DRAM1: variants seen among roughly 807,000 people sequenced by gnomAD.
The protein encoded by DRAM1 is DNA damage regulated autophagy modulator 1.
In DRAM1, 25 loss-of-function variants were observed where a neutral mutation model predicts 28.5. That is an observed-to-expected ratio of 0.88 (90% CI 0.64 to 1.23). The LOEUF is 1.23. DRAM1 is among the 50% of genes most tolerant of loss of function. The probability of loss-of-function intolerance (pLI) is 0.00; values close to 1 mark genes in which losing one functional copy is unlikely to be tolerated. For missense variants in DRAM1, 249 were observed against 299.2 expected (o/e 0.83, Z 1.24); for synonymous variants, 113 against 114.2 (o/e 0.99, Z 0.07).
chr12:101,919,127 A>G (rs1437939663), intron 5 of DRAM1, among the ~76,000 whole-genome samples: 1 of 151,830 alleles, frequency 6.6e-6, no homozygotes, highest in African/African-American at 2.4e-5. Context: ...GCTGGTCTCA[A>G]ACTCCTGGGC....
chr12:101,919,684 T>C (rs1874400098), intron 5 of DRAM1, among the ~76,000 whole-genome samples: 1 of 152,232 alleles, frequency 6.6e-6, no homozygotes, highest in Admixed American at 6.5e-5. Flanking sequence ...TCTAGATGTG[T>C]ACACACTTTC....
intron 5 of DRAM1, among the ~76,000 whole-genome samples, chr12:101,919,848 A>G (rs995435037): frequency 2.6e-4 from 39 of 152,294 alleles, no homozygotes; most frequent in African/African-American, 9.1e-4. Flanking sequence ...TCCTTAGTCT[A>G]CCTTTTGAAG....
At chr12:101,908,671 A>T (rs1594307828) in intron 4 of DRAM1, among the ~76,000 whole-genome samples, 1 of 119,726 alleles carries the variant, frequency 8.4e-6, no homozygotes, top group South Asian at 2.3e-4. Flanking sequence ...GGAAGGGTGG[A>T]GGAGGAGGAG....
chr12:101,890,816 T>A lies in DRAM1; in HGVS notation c.132-7047T>A, dbSNP rs1485388195. ...CCCAGGCTGGAGTGCAATGGCGTGA[T>A]CTCAGCTCACTGCAACCTCCACTTC... On this transcript the variant is annotated intron_variant, in intron 1 of 6. Transcript: ENST00000258534. Among the ~76,000 whole-genome samples, 6 of 150,130 alleles carry A rather than the reference T, an allele frequency of 4.0e-5. No individual in the cohort carries two copies. The East Asian group carries it at 7.8e-4, about 20-fold the overall frequency.
At chr12:101,891,313 A>T (rs1873119199) in intron 1 of DRAM1, among the ~76,000 whole-genome samples, 1 of 152,204 alleles carries the variant, frequency 6.6e-6, no homozygotes, top group South Asian at 2.1e-4. Flanking sequence ...TTCAGGCTGG[A>T]GACACACATG....
At chr12:101,907,026 T>C (rs1873841281) in intron 3 of DRAM1, among the ~76,000 whole-genome samples, 1 of 149,986 alleles carries the variant, frequency 6.7e-6, no homozygotes. Context: ...GGGAACTTGT[T>C]TAGAAGCTGC....
intron 2 of DRAM1, among the ~76,000 whole-genome samples, chr12:101,900,921 T>C (rs1399666439): frequency 6.6e-6 from 1 of 152,214 alleles, no homozygotes; most frequent in Admixed American, 6.5e-5. Flanking sequence ...TAGTATCTCA[T>C]ACCACAGACC....
intron 5 of DRAM1, among the ~76,000 whole-genome samples, chr12:101,917,575 A>C (rs888629103): frequency 6.6e-6 from 1 of 151,822 alleles, no homozygotes; most frequent in African/African-American, 2.4e-5. Context: ...AGTCCCAGCT[A>C]CTTGGGAGGC....
chr12:101,879,991 GAA>G (rs558852561), intron 1 of DRAM1, among the ~76,000 whole-genome samples: 1 of 134,044 alleles, frequency 7.5e-6, no homozygotes, highest in Non-Finnish European at 1.6e-5. Context: ...CTCCATCTCA[GAA>G]AAAAAAAAAA....
At chr12:101,904,388 C>CT (rs386377571) in intron 3 of DRAM1, among the ~76,000 whole-genome samples, 23,522 of 102,826 alleles carry the variant, frequency 0.23, 2,462 homozygotes, top group Middle Eastern at 0.28. Context: ...TTCACATATT[C>CT]TTTTTTTTTT....
chr12:101,917,408 C>T (rs993387429), intron 5 of DRAM1, among the ~76,000 whole-genome samples: 6 of 152,130 alleles, frequency 3.9e-5, no homozygotes, highest in Admixed American at 3.3e-4. Flanking sequence ...TGCTTCTTGG[C>T]CGGGTGCGGT....
chr12:101,905,227 C>T (rs1404425457), intron 3 of DRAM1, among the ~76,000 whole-genome samples: 1 of 152,164 alleles, frequency 6.6e-6, no homozygotes, highest in African/African-American at 2.4e-5. Context: ...TATAACTTCC[C>T]TGAATCTATA....
chr12:101,909,399 A>G (rs1485052247), intron 4 of DRAM1, among the ~76,000 whole-genome samples: 1 of 152,178 alleles, frequency 6.6e-6, no homozygotes, highest in East Asian at 1.9e-4. Context: ...TTTCCTTCTC[A>G]CAGGGCCAGT....
At chr12:101,912,537 T>G (rs12297551) in intron 4 of DRAM1, among the ~76,000 whole-genome samples, 13,867 of 152,108 alleles carry the variant, frequency 0.091, 1,243 homozygotes, top group East Asian at 0.24. Flanking sequence ...ATAAACGAAA[T>G]AATTAAGAGG....
At chr12:101,880,152 A>T (rs1872642949) in intron 1 of DRAM1, among the ~76,000 whole-genome samples, 1 of 151,540 alleles carries the variant, frequency 6.6e-6, no homozygotes, top group African/African-American at 2.4e-5. Flanking sequence ...GGCTCCATTG[A>T]TCCTCCCACC....
chr12:101,880,630 C>G (rs1872658805), intron 1 of DRAM1, among the ~76,000 whole-genome samples: 2 of 152,092 alleles, frequency 1.3e-5, no homozygotes, highest in African/African-American at 4.8e-5. Context: ...ATGTTTGTCC[C>G]AGATCTGAAG....
At chr12:101,890,776 C>T (rs1434411399) in intron 1 of DRAM1, among the ~76,000 whole-genome samples, 2 of 134,328 alleles carry the variant, frequency 1.5e-5, no homozygotes, top group Admixed American at 8.0e-5. Flanking sequence ...TTTGAGTCGG[C>T]GTCTTGCTCT....
intron 3 of DRAM1, among the ~76,000 whole-genome samples, chr12:101,903,667 A>G (rs1251294068): frequency 1.3e-5 from 2 of 152,106 alleles, no homozygotes; most frequent in African/African-American, 4.8e-5. Flanking sequence ...TTGCTAAAAC[A>G]GTAGATTTTA....
At chr12:101,889,721 C>G (rs1436284237) in intron 1 of DRAM1, among the ~76,000 whole-genome samples, 1 of 152,072 alleles carries the variant, frequency 6.6e-6, no homozygotes, top group Non-Finnish European at 1.5e-5. Context: ...AGGTGGATCA[C>G]TTGAGGTCAG....
Sources: gnomAD v4.1 joint callset for allele counts (sites outside exome capture counted in the v4.1 genomes callset) on GRCh38, gnomAD v4.1.1 for gene constraint, MANE v1.5 for transcripts, NCBI Gene and HGNC (gene_info 2026-07-23, HGNC 2026-07-21) for gene names.